PDZRN3: variants seen among roughly 807,000 people sequenced by gnomAD.
The protein encoded by PDZRN3 is PDZ domain containing ring finger 3.
Under a neutral mutation model 85.7 loss-of-function variants are expected in PDZRN3, and 38 were observed. The observed-to-expected ratio is 0.44, with a 90% confidence interval of 0.34 to 0.58. The LOEUF is 0.58. Ranked by LOEUF, PDZRN3 falls within the 20% of genes least tolerant of loss-of-function variation. The pLI is 0.01. For synonymous variants in PDZRN3, 759 were observed against 638.0 expected, an observed-to-expected ratio of 1.19 and a Z score of -2.86; for missense variants, 1,629 against 1,506.4, an observed-to-expected ratio of 1.08 and a Z score of -1.35.
intron 3 of PDZRN3, among the ~76,000 whole-genome samples, chr3:73,452,246 C>T (rs1283669541): frequency 6.6e-6 from 1 of 152,040 alleles, no homozygotes; most frequent in Non-Finnish European, 1.5e-5. Context: ...GACTCAAAGG[C>T]ACTGTCAAGG....
intron 3 of PDZRN3, among the ~76,000 whole-genome samples, chr3:73,562,792 G>C (rs917327290): frequency 2.0e-5 from 3 of 151,518 alleles, no homozygotes; most frequent in Non-Finnish European, 4.4e-5. Context: ...TGGGGAAAGG[G>C]CAAGAGAATT....
At position 73,383,916 on chromosome 3, in the gene PDZRN3, T is replaced by C. The variant is rs754812664; in HGVS notation, c.2650A>G (p.Met884Val). 7 of 1,611,560 alleles carry C rather than the reference T, an allele frequency of 4.3e-6. No homozygotes were observed. The highest frequency in any genetic ancestry group is 1.1e-5 in the South Asian group (1 of 90,788). The change falls in exon 10 of 10, where the codon ATG (methionine) becomes GTG (valine). Residue 884 changes from methionine (M) to valine (V), a missense_variant. Transcript: ENST00000263666. ...PAHAQHYQSY[M>V]QLIQQKSAVE... is the part of the protein sequence containing the mutation. ...GCCGACTTCTGCTGGATCAGCTGCA[T>C]GTAGCTCTGGTAGTGCTGGGCGTGC...
chr3:73,605,701 A>G (rs1702590202), intron 2 of PDZRN3, among the ~76,000 whole-genome samples: 1 of 152,200 alleles, frequency 6.6e-6, no homozygotes, highest in South Asian at 2.1e-4. Context: ...GTACTCAATG[A>G]CCTGCCAGAT....
At chr3:73,527,779 T>C (rs1704558619) in intron 3 of PDZRN3, among the ~76,000 whole-genome samples, 2 of 152,152 alleles carry the variant, frequency 1.3e-5, no homozygotes, top group African/African-American at 4.8e-5. Flanking sequence ...TCGGCATTGT[T>C]GAAAGAAGGA....
In PDZRN3 at chr3:73,384,724, G is replaced by A; in HGVS notation, c.1842C>T (p.Gly614=). ...RKLTCSQDTL[G]SGDLPFSNES... ...CGTTGCTGAAGGGCAGGTCGCCGCT[G>A]CCCAAGGTGTCCTGGCTGCAGGTGA... Residue 614 remains glycine, a synonymous_variant, in exon 10 of 10, where the codon GGC becomes GGT. Coordinates refer to ENST00000263666, the MANE Select transcript of PDZRN3 (RefSeq NM_015009.3). 6.2e-7 allele frequency: 1 copy of A among 1,614,022 alleles called. No individual in the cohort carries two copies. The highest frequency in any genetic ancestry group is 1.1e-5 in the South Asian group (1 of 91,086).
intron 3 of PDZRN3, among the ~76,000 whole-genome samples, chr3:73,568,124 G>A (rs1430747027): frequency 6.6e-6 from 1 of 152,092 alleles, no homozygotes; most frequent in Non-Finnish European, 1.5e-5. Flanking sequence ...GCCAAGGGAG[G>A]AGCCATGTGA....
rs926070876 is a variant in PDZRN3 at position 73,624,300 on chromosome 3, G to T, written c.526C>A (p.Arg176Ser). ...AGCGCCTTGTGCAGCGCGCCCAGGC[G>T]GGCCTGGAGCGCGCCGTTGTGCGCC... Reference protein sequence around the residue: ...LRAHNGALQARLGALHKALKK... With the variant: ...LRAHNGALQASLGALHKALKK... Residue 176 changes from arginine to serine, a missense_variant, in exon 1 of 10, where the codon CGC becomes AGC. Arg to Ser is a moderately radical substitution (Grantham distance 110, BLOSUM62 -1). Transcript: ENST00000263666. 6.0e-6 allele frequency: 8 copies of T among 1,326,116 alleles called. 1 individual carries two copies. The South Asian group carries it at 1.0e-4, about 17-fold the overall frequency. The allele number at this position is 1,326,116 out of a possible 1,614,324, so 82.1% of individuals were successfully genotyped here.
At chr3:73,417,624 A>G (rs1469355848) in intron 3 of PDZRN3, among the ~76,000 whole-genome samples, 2 of 152,158 alleles carry the variant, frequency 1.3e-5, no homozygotes, top group Non-Finnish European at 2.9e-5. Flanking sequence ...TGCTGTGTTG[A>G]CTAAGTTATA....
At chr3:73,589,947 C>T (rs1327128191) in intron 3 of PDZRN3, among the ~76,000 whole-genome samples, 1 of 151,952 alleles carries the variant, frequency 6.6e-6, no homozygotes. Context: ...CTCTTTAATG[C>T]TAAGCAATCT....
rs190922317 is a variant in PDZRN3 at position 73,563,081 on chromosome 3, C to T, written c.918+39273G>A. On this transcript the variant is annotated intron_variant, in intron 3 of 9. Transcript: ENST00000263666. ...TTGCTCAGGCTGGAGTGCTGTGGCA[C>T]GATCTCTGCTCACTGCAAGCTCCGC... Among the ~76,000 whole-genome samples, 153 of 134,964 alleles carry T rather than the reference C, an allele frequency of 1.1e-3. 1 individual carries two copies. The highest frequency in any genetic ancestry group is 3.9e-3 in the African/African-American group (139 of 35,470). 88.5% of individuals were successfully genotyped at this position (134,964 alleles called of 152,430 possible). A position where few individuals can be genotyped will look rare whatever the true frequency, so the allele number is the denominator to read the frequency against.
intron 3 of PDZRN3, among the ~76,000 whole-genome samples, chr3:73,542,496 G>A (rs797021499): frequency 5.3e-5 from 8 of 152,150 alleles, no homozygotes; most frequent in African/African-American, 1.2e-4. Flanking sequence ...CTTGCTGGCC[G>A]GGTGTGGTGG....
At chr3:73,453,066 G>T (rs1195110388) in intron 3 of PDZRN3, among the ~76,000 whole-genome samples, 2 of 152,130 alleles carry the variant, frequency 1.3e-5, no homozygotes, top group African/African-American at 4.8e-5. Context: ...AAGAGAAACA[G>T]GTTGGAGAAA....
intron 3 of PDZRN3, among the ~76,000 whole-genome samples, chr3:73,482,337 T>A (rs1703579060): frequency 2.0e-5 from 3 of 152,152 alleles, no homozygotes; most frequent in Admixed American, 1.3e-4. Flanking sequence ...CCTGGGCCCA[T>A]CCTTAAAGCA....
intron 3 of PDZRN3, among the ~76,000 whole-genome samples, chr3:73,517,508 A>C (rs1575703961): frequency 6.6e-6 from 1 of 152,354 alleles, no homozygotes; most frequent in East Asian, 1.9e-4. Flanking sequence ...CGTCACAGCG[A>C]GGCTTAGGCC....
intron 3 of PDZRN3, among the ~76,000 whole-genome samples, chr3:73,442,907 T>C (rs1702670206): frequency 6.6e-6 from 1 of 152,104 alleles, no homozygotes; most frequent in Non-Finnish European, 1.5e-5. Context: ...TGGTGTTGTT[T>C]ATAAAGGACA....
chr3:73,432,493 G>A (rs983336705), intron 3 of PDZRN3, among the ~76,000 whole-genome samples: 1 of 152,150 alleles, frequency 6.6e-6, no homozygotes. Context: ...CCCTCTCTCT[G>A]TCTCAGTGGG....
At chr3:73,607,059 C>T (rs1378160958) in intron 2 of PDZRN3, among the ~76,000 whole-genome samples, 1 of 152,128 alleles carries the variant, frequency 6.6e-6, no homozygotes, top group African/African-American at 2.4e-5. Context: ...CTTGCAGCTC[C>T]CCCAGTTCCC....
rs369193807 is a variant in PDZRN3, at chr3:73,408,238, G to C, written c.919-3843C>G. The C allele has an allele frequency of 1.4e-5, 10 of 702,658 alleles. No individual in the cohort carries two copies. The East Asian group carries it at 1.6e-4, about 11-fold the overall frequency. 43.5% of individuals were successfully genotyped at this position (702,658 alleles called of 1,614,324 possible). Reference sequence around the variant, plus strand: ...GCTGTGGGCTTTGGGCAATTTAACTGTTCTCAGTTCCAGTTTTCTCATCTG... The same window carrying C: ...GCTGTGGGCTTTGGGCAATTTAACTCTTCTCAGTTCCAGTTTTCTCATCTG... On this transcript the variant is annotated intron_variant, in intron 3 of 9. Coordinates refer to ENST00000263666, the MANE Select transcript of PDZRN3 (RefSeq NM_015009.3).
At chr3:73,393,095 G>A (rs1208909076) in intron 5 of PDZRN3, among the ~76,000 whole-genome samples, 2 of 151,960 alleles carry the variant, frequency 1.3e-5, no homozygotes, top group Admixed American at 1.3e-4. Context: ...GAAATATCAC[G>A]ACGGTTTAGG....
Sources: gnomAD v4.1 joint callset for allele counts (sites outside exome capture counted in the v4.1 genomes callset) on GRCh38, gnomAD v4.1.1 for gene constraint, MANE v1.5 for transcripts, NCBI Gene and HGNC (gene_info 2026-07-23, HGNC 2026-07-21) for gene names.